USP7: variants seen among roughly 807,000 people sequenced by gnomAD.
USP7 encodes ubiquitin C-terminal hydrolase 7.
Under a neutral mutation model 162.9 loss-of-function variants are expected in USP7, and 9 were observed. The ratio of observed to expected loss-of-function variants is 0.06; its 90% CI spans 0.03 to 0.10. USP7 has a LOEUF of 0.10. USP7 is among the 10% of genes least tolerant of loss of function. The pLI is 1.00. For missense variants in USP7, 715 were observed against 1,373.7 expected (o/e 0.52, Z 7.58); for synonymous variants, 562 against 475.9 (o/e 1.18, Z -2.35).
intron 1 of USP7, among the ~76,000 whole-genome samples, chr16:8,951,332 A>G (rs1899537913): frequency 2.9e-4 from 1 of 3,424 alleles, no homozygotes; most frequent in South Asian, 0.015. Flanking sequence ...AGCCTCTGGT[A>G]GCCCTGACCC....
intron 10 of USP7, 135 bp from the exon 11 acceptor site, chr16:8,910,962 T>G (rs1432048193): frequency 1.4e-6 from 1 of 719,460 alleles, no homozygotes; most frequent in East Asian, 2.7e-5. Flanking sequence ...ACTCTCCCCC[T>G]GTAGCCAAGA....
chr16:8,893,986 C>G lies in USP7; in HGVS notation c.*12G>C. 1 of 1,613,580 alleles carries G rather than the reference C, an allele frequency of 6.2e-7. No individual in the cohort carries two copies. Among genetic ancestry groups the G allele is most frequent in the Non-Finnish European group, 8.5e-7 (1 of 1,179,480 alleles). Reference sequence around the variant, plus strand: ...ACACACCGTCCTCGCCTTGAACACACCAGCTTGGAAATCAGTTATGGATTT... The same window carrying G: ...ACACACCGTCCTCGCCTTGAACACAGCAGCTTGGAAATCAGTTATGGATTT... On this transcript the variant is annotated 3_prime_UTR_variant, in exon 31 of 31. Coordinates refer to ENST00000344836, the MANE Select transcript of USP7 (RefSeq NM_003470.3).
intron 4 of USP7, 86 bp from the exon 5 acceptor site, chr16:8,920,533 T>A (rs908846185): frequency 3.5e-5 from 37 of 1,044,748 alleles, no homozygotes; most frequent in Non-Finnish European, 4.7e-5. Flanking sequence ...GCCCTGTACT[T>A]AATAGAGATG....
At chr16:8,949,161 T>C (rs188665414) in intron 1 of USP7, among the ~76,000 whole-genome samples, 16 of 152,364 alleles carry the variant, frequency 1.1e-4, no homozygotes, top group African/African-American at 3.8e-4. Flanking sequence ...GGTATGTGAA[T>C]TATCTCTCAA....
At chr16:8,943,708 C>G (rs1466152555) in intron 1 of USP7, among the ~76,000 whole-genome samples, 1 of 152,214 alleles carries the variant, frequency 6.6e-6, no homozygotes, top group African/African-American at 2.4e-5. Context: ...CTAGAGTCAA[C>G]TGTCCTTCCC....
At chr16:8,902,635 A>G (rs568267590) in intron 16 of USP7, among the ~76,000 whole-genome samples, 153 bp from the exon 17 acceptor site, 15 of 152,264 alleles carry the variant, frequency 9.9e-5, no homozygotes, top group South Asian at 4.1e-4. Flanking sequence ...CTCGCCTGTA[A>G]TCCCAGCACT....
chr16:8,938,030 C>A (rs898767670), intron 1 of USP7, among the ~76,000 whole-genome samples: 22 of 152,186 alleles, frequency 1.4e-4, no homozygotes, highest in African/African-American at 5.1e-4. Flanking sequence ...TCGTCACTGG[C>A]CCCAGGGTAA....
intron 1 of USP7, among the ~76,000 whole-genome samples, chr16:8,934,796 T>C (rs894993469): frequency 6.6e-6 from 1 of 151,042 alleles, no homozygotes; most frequent in Non-Finnish European, 1.5e-5. Flanking sequence ...ACATAAGGGG[T>C]GGGTCCCGGC....
chr16:8,934,864 AG>A (rs1286271000), intron 1 of USP7, among the ~76,000 whole-genome samples: 1 of 152,210 alleles, frequency 6.6e-6, no homozygotes, highest in Non-Finnish European at 1.5e-5. Flanking sequence ...CCCAGCTCCC[AG>A]GGGCAGGAGA....
chr16:8,895,638 A>G lies in USP7; in HGVS notation c.2919+4T>C. The G allele has an allele frequency of 1.2e-6, 2 of 1,609,982 alleles. No individual in the cohort carries two copies. Among genetic ancestry groups the G allele is most frequent in the Non-Finnish European group, 1.7e-6 (2 of 1,177,694 alleles). Reference sequence around the variant, plus strand: ...CTGGTGCCAACAGTATCGGGGACAGATACCTCTATTCGAAACGTCCGGCTC... The same window carrying G: ...CTGGTGCCAACAGTATCGGGGACAGGTACCTCTATTCGAAACGTCCGGCTC... On this transcript the variant is annotated splice_donor_region_variant and intron_variant, in intron 27 of 30. Coordinates refer to ENST00000344836, the MANE Select transcript of USP7 (RefSeq NM_003470.3).
In USP7 at chr16:8,903,409, A is replaced by G. The variant is rs1398029628; in HGVS notation, c.1705-7T>C. The G allele has an allele frequency of 1.2e-6, 2 of 1,612,852 alleles. No individual in the cohort carries two copies. The highest frequency in any genetic ancestry group is 1.7e-6 in the Non-Finnish European group (2 of 1,179,146). ...ACTGGTCCTCTGCGACTATCTGAAAATATGTATGAAAGCACAGAAAAGACT... is the reference window on the plus strand; with the variant it reads ...ACTGGTCCTCTGCGACTATCTGAAAGTATGTATGAAAGCACAGAAAAGACT... On this transcript the variant is annotated splice_region_variant and splice_polypyrimidine_tract_variant and intron_variant, in intron 15 of 30. Transcript: ENST00000344836.
At chr16:8,958,782 C>A (rs764725226) in intron 1 of USP7, among the ~76,000 whole-genome samples, 12 of 152,204 alleles carry the variant, frequency 7.9e-5, no homozygotes, top group Non-Finnish European at 1.6e-4. Flanking sequence ...CGCATGGCAC[C>A]AAATCCACTT....
chr16:8,921,577 G>A (rs1486566961), intron 3 of USP7, among the ~76,000 whole-genome samples: 2 of 152,096 alleles, frequency 1.3e-5, no homozygotes, highest in Non-Finnish European at 2.9e-5. Flanking sequence ...ATACAATTTT[G>A]ACCTCTGCTT....
chr16:8,943,776 T>C (rs545733759), intron 1 of USP7, among the ~76,000 whole-genome samples: 1 of 152,334 alleles, frequency 6.6e-6, no homozygotes, highest in East Asian at 1.9e-4. Context: ...TTTTGAAATG[T>C]TACCACAAAA....
intron 1 of USP7, among the ~76,000 whole-genome samples, chr16:8,951,051 C>T (rs1173809596): frequency 6.6e-6 from 1 of 152,194 alleles, no homozygotes; most frequent in African/African-American, 2.4e-5. Flanking sequence ...GCAGCAGCGA[C>T]ACGCAGAAAA....
intron 1 of USP7, among the ~76,000 whole-genome samples, chr16:8,933,277 C>T (rs1417227936): frequency 6.6e-6 from 1 of 152,100 alleles, no homozygotes; most frequent in East Asian, 1.9e-4. Context: ...AGCACAGTGG[C>T]TCATGCCTAT....
rs565443070 is a variant in USP7, at chr16:8,930,402, A to G, written c.80-5T>C. The G allele has an allele frequency of 1.3e-6, 2 of 1,595,244 alleles. No individual in the cohort carries two copies. Among genetic ancestry groups the G allele is most frequent in the South Asian group, 2.2e-5 (2 of 88,910 alleles). On this transcript the variant is annotated splice_polypyrimidine_tract_variant and splice_region_variant and intron_variant, in intron 1 of 30. Coordinates refer to ENST00000344836, the MANE Select transcript of USP7 (RefSeq NM_003470.3). ...GTGGGTCATCTGTATCTCCCGCTTT[A>G]AAGAAGAAAAAGAAATTCCACGGGT...
intron 1 of USP7, among the ~76,000 whole-genome samples, chr16:8,945,525 G>A (rs1899237399): frequency 6.6e-6 from 1 of 152,168 alleles, no homozygotes; most frequent in Non-Finnish European, 1.5e-5. Flanking sequence ...ACATTTCTGT[G>A]CACTAGTGAT....
chr16:8,894,457 G>T, intron 30 of USP7, 93 bp downstream of exon 30: 1 of 1,274,970 alleles, frequency 7.8e-7, no homozygotes, highest in Non-Finnish European at 1.1e-6. Flanking sequence ...AGAGGAGCTG[G>T]CACTTGACCC....
Sources: gnomAD v4.1 joint callset for allele counts (sites outside exome capture counted in the v4.1 genomes callset) on GRCh38, gnomAD v4.1.1 for gene constraint, MANE v1.5 for transcripts, NCBI Gene and HGNC (gene_info 2026-07-23, HGNC 2026-07-21) for gene names.